CHN1: variants seen among roughly 807,000 people sequenced by gnomAD.
CHN1 encodes N-chimaerin.
CHN1 carries 37 observed loss-of-function variants against 59.5 expected under a neutral mutation model. That is an observed-to-expected ratio of 0.62 (90% CI 0.48 to 0.82). CHN1 has a LOEUF of 0.82. Ranked by LOEUF, CHN1 falls within the 40% of genes least tolerant of loss-of-function variation. The pLI, the probability that CHN1 is intolerant of heterozygous loss-of-function variation, is 0.00. For synonymous variants in CHN1, 206 were observed against 200.4 expected, an observed-to-expected ratio of 1.03 and a Z score of -0.24; for missense variants, 469 against 571.0, an observed-to-expected ratio of 0.82 and a Z score of 1.82.
Position 175,005,067 on chromosome 2 carries a change from G to T in CHN1, c.-155C>A. On this transcript the variant is annotated 5_prime_UTR_variant, in exon 1 of 13. Transcript: ENST00000409900. ...GGCGCCCGGGGAGGCTGCAGGCCGGGACGCGGGGGACCGCTGCAAGAAAAA... is the reference window on the plus strand; with the variant it reads ...GGCGCCCGGGGAGGCTGCAGGCCGGTACGCGGGGGACCGCTGCAAGAAAAA... The T allele has an allele frequency of 7.5e-7, 1 of 1,341,458 alleles. No individual in the cohort carries two copies. The highest frequency in any genetic ancestry group is 9.6e-7 in the Non-Finnish European group (1 of 1,044,070). The allele number at this position is 1,341,458 out of a possible 1,614,324, so 83.1% of individuals were successfully genotyped here.
chr2:174,851,899 G>A (rs909135918), intron 6 of CHN1, among the ~76,000 whole-genome samples: 4 of 152,064 alleles, frequency 2.6e-5, no homozygotes, highest in Non-Finnish European at 4.4e-5. Flanking sequence ...ATGATTTTAC[G>A]AAGGTTTCAG....
intron 6 of CHN1, among the ~76,000 whole-genome samples, chr2:174,866,164 A>G (rs938672060): frequency 6.6e-6 from 1 of 152,234 alleles, no homozygotes; most frequent in Non-Finnish European, 1.5e-5. Flanking sequence ...CAAATCTCAA[A>G]AAGTTAAGAA....
chr2:174,917,327 G>C (rs1688876562), intron 4 of CHN1, among the ~76,000 whole-genome samples: 1 of 151,934 alleles, frequency 6.6e-6, no homozygotes, highest in Admixed American at 6.6e-5. Context: ...CCAGTTACCT[G>C]GGAGGCTGAG....
At chr2:175,003,118 A>G (rs1691940895) in intron 1 of CHN1, among the ~76,000 whole-genome samples, 1 of 152,250 alleles carries the variant, frequency 6.6e-6, no homozygotes, top group Non-Finnish European at 1.5e-5. Flanking sequence ...TAGACATCCC[A>G]GATGACTGAT....
intron 3 of CHN1, among the ~76,000 whole-genome samples, chr2:174,939,585 T>C (rs2141559): frequency 0.32 from 48,568 of 152,098 alleles, 9,040 homozygotes; most frequent in Admixed American, 0.45. Context: ...GTCTTACTAA[T>C]AAATACTTCA....
At chr2:174,859,013 C>CACACACACACACACACACACACACAA (rs1558955549) in intron 6 of CHN1, among the ~76,000 whole-genome samples, 1 of 151,260 alleles carries the variant, frequency 6.6e-6, no homozygotes, top group African/African-American at 2.4e-5. Flanking sequence ...CACACACACA[C>CACACACACACACACACACACACACAA]AAAACCAAAC....
intron 7 of CHN1, among the ~76,000 whole-genome samples, chr2:174,841,598 G>T (rs944049908): frequency 1.3e-5 from 2 of 152,106 alleles, no homozygotes; most frequent in African/African-American, 4.8e-5. Context: ...GAGAACTGGG[G>T]AAAGAGTGTG....
rs577745331 is a variant in CHN1, at chr2:174,843,713, C to A, written c.627+3167G>T. Among the ~76,000 whole-genome samples, 108 of 147,258 alleles carry A rather than the reference C, an allele frequency of 7.3e-4. 1 individual carries two copies. In the South Asian group the frequency reaches 0.016, roughly 22 times the overall value. On this transcript the variant is annotated intron_variant, in intron 7 of 12. Coordinates refer to ENST00000409900, the MANE Select transcript of CHN1 (RefSeq NM_001822.7). ...GTATAGATTCAGAAAAAAAAAAAAACCCACTTAGGGGTATTTGTAGTAACA... is the reference window on the plus strand; with the variant it reads ...GTATAGATTCAGAAAAAAAAAAAAAACCACTTAGGGGTATTTGTAGTAACA...
intron 1 of CHN1, among the ~76,000 whole-genome samples, chr2:174,967,557 T>C (rs1559002173): frequency 6.6e-6 from 1 of 152,166 alleles, no homozygotes; most frequent in Non-Finnish European, 1.5e-5. Flanking sequence ...CTTTTAACCA[T>C]TCATAGCACT....
chr2:174,943,182 T>TTGTGTG (rs3056103), intron 3 of CHN1, among the ~76,000 whole-genome samples: 8 of 149,700 alleles, frequency 5.3e-5, no homozygotes, highest in South Asian at 2.1e-4. Context: ...TAGGGTTTGC[T>TTGTGTG]TGTGTGTGTG....
At chr2:174,978,967 T>C (rs1236530647) in intron 1 of CHN1, among the ~76,000 whole-genome samples, 1 of 152,214 alleles carries the variant, frequency 6.6e-6, no homozygotes, top group African/African-American at 2.4e-5. Context: ...TCATCAAACA[T>C]GTATTAAGTA....
chr2:174,800,894 G>A (rs1017806898), intron 12 of CHN1, among the ~76,000 whole-genome samples: 1 of 152,182 alleles, frequency 6.6e-6, no homozygotes, highest in Non-Finnish European at 1.5e-5. Flanking sequence ...GTTTATAAGC[G>A]AAGTTGTAAG....
chr2:174,980,277 T>C (rs1691100548), intron 1 of CHN1, among the ~76,000 whole-genome samples: 1 of 152,172 alleles, frequency 6.6e-6, no homozygotes, highest in South Asian at 2.1e-4. Flanking sequence ...TTTGGTTTCC[T>C]TGCTTGTTTA....
At chr2:174,921,517 A>T (rs1689015522) in intron 3 of CHN1, among the ~76,000 whole-genome samples, 1 of 152,060 alleles carries the variant, frequency 6.6e-6, no homozygotes, top group Non-Finnish European at 1.5e-5. Flanking sequence ...TTTCATGTCT[A>T]TAGGAGAGTC....
intron 3 of CHN1, among the ~76,000 whole-genome samples, chr2:174,923,171 C>G (rs1002429480): frequency 1.3e-5 from 2 of 151,128 alleles, no homozygotes; most frequent in Admixed American, 1.3e-4. Context: ...GACGGAGTCT[C>G]GCTCTGTCAC....
chr2:174,938,240 T>C (rs1689555322), intron 3 of CHN1, among the ~76,000 whole-genome samples: 2 of 152,172 alleles, frequency 1.3e-5, no homozygotes, highest in African/African-American at 4.8e-5. Flanking sequence ...TCTTTAGTTC[T>C]TCCAAACCAA....
intron 2 of CHN1, among the ~76,000 whole-genome samples, chr2:174,945,497 T>C: frequency 6.6e-6 from 1 of 152,154 alleles, no homozygotes. Context: ...AATTCAGATA[T>C]TCAAATAACT....
At chr2:174,901,203 G>A (rs1053935796) in intron 5 of CHN1, among the ~76,000 whole-genome samples, 15 of 152,174 alleles carry the variant, frequency 9.9e-5, no homozygotes, top group Non-Finnish European at 1.6e-4. Flanking sequence ...GGGCCTACAA[G>A]AAGCAGATGT....
chr2:174,845,030 A>G (rs1479882223), intron 7 of CHN1, among the ~76,000 whole-genome samples: 1 of 152,200 alleles, frequency 6.6e-6, no homozygotes, highest in Non-Finnish European at 1.5e-5. Flanking sequence ...AGTTGATGGC[A>G]GAGTCAGAAC....
Sources: gnomAD v4.1 joint callset for allele counts (sites outside exome capture counted in the v4.1 genomes callset) on GRCh38, gnomAD v4.1.1 for gene constraint, MANE v1.5 for transcripts, NCBI Gene and HGNC (gene_info 2026-07-23, HGNC 2026-07-21) for gene names.